The following PODN variants were observed in gnomAD, a reference collection of about 807,000 sequenced individuals.
PODN encodes podocan proteoglycan.
PODN carries 40 observed loss-of-function variants against 52.7 expected under a neutral mutation model. That is an observed-to-expected ratio of 0.76 (90% CI 0.59 to 0.99). The LOEUF (loss-of-function observed/expected upper bound fraction) is 0.99, where lower values mean the gene tolerates loss of function less well. Ranked by LOEUF, PODN falls within the 50% of genes least tolerant of loss-of-function variation. The pLI is 0.00. For synonymous variants in PODN, 396 were observed against 377.9 expected (o/e 1.05, Z -0.56); for missense variants, 720 against 815.1 (o/e 0.88, Z 1.42).
chr1:53,079,043 T>G, intron 8 of PODN, 21 bp downstream of exon 8: 1 of 1,501,800 alleles, frequency 6.7e-7, no homozygotes. Context: ...GGGAGGGGGC[T>G]GAGCCATGCC....
intron 3 of PODN, chr1:53,073,472 G>A (rs541427927): frequency 1.3e-5 from 2 of 152,330 alleles, no homozygotes; most frequent in East Asian, 1.9e-4. Context: ...TGCACCCCAG[G>A]CGGGTGTTTC....
At chr1:53,075,054 G>A (rs1215682714) in intron 4 of PODN, among the ~76,000 whole-genome samples, 3 of 152,130 alleles carry the variant, frequency 2.0e-5, no homozygotes, top group Non-Finnish European at 4.4e-5. Context: ...ATGAGTGAAG[G>A]CACAAGGGTA....
chr1:53,074,467 C>T (rs1644164064), intron 3 of PODN, 139 bp from the exon 4 acceptor site: 13 of 918,254 alleles, frequency 1.4e-5, no homozygotes, highest in Non-Finnish European at 2.3e-5. Context: ...GCAGGCCCCC[C>T]AACTGCTTGG....
chr1:53,077,473 G>C (rs1644212477), intron 6 of PODN, 127 bp downstream of exon 6: 1 of 1,392,790 alleles, frequency 7.2e-7, no homozygotes, highest in Non-Finnish European at 9.7e-7. Context: ...CCCCGGGGCT[G>C]ACAGCAAGGA....
chr1:53,081,990 G>A lies in PODN; in HGVS notation c.1671G>A (p.Lys557=). The change falls in exon 10 of 11, where the codon AAG becomes AAA. Residue 557 remains lysine, a synonymous_variant. Transcript: ENST00000312553. ...CTCGATGCTCACACAGGTTTAACAA[G>A]CTGGCTGTGGGCTCCGTGGTGGACA... ...NLKGIFLRFN[K]LAVGSVVDSA... is the part of the protein sequence containing the mutation. The A allele has an allele frequency of 6.2e-7, 1 of 1,600,258 alleles. No homozygotes were observed. The highest frequency in any genetic ancestry group is 8.5e-7 in the Non-Finnish European group (1 of 1,171,860).
At chr1:53,074,378 A>G (rs1644162574) in intron 3 of PODN, among the ~76,000 whole-genome samples, 1 of 152,198 alleles carries the variant, frequency 6.6e-6, no homozygotes, top group Non-Finnish European at 1.5e-5. Flanking sequence ...CAGAGCGAGG[A>G]GTTAGTCTCT....
chr1:53,076,286 A>G (rs912924300), intron 5 of PODN, among the ~76,000 whole-genome samples: 4 of 152,212 alleles, frequency 2.6e-5, no homozygotes, highest in African/African-American at 9.6e-5. Flanking sequence ...ACCGCCCCCC[A>G]GCATAGGTGT....
intron 8 of PODN, among the ~76,000 whole-genome samples, chr1:53,080,226 T>G (rs1644262456): frequency 6.6e-6 from 1 of 152,196 alleles, no homozygotes; most frequent in Non-Finnish European, 1.5e-5. Flanking sequence ...TCCTGACCTC[T>G]GCACGTGTGG....
At position 53,079,033 on chromosome 1, in the gene PODN, G is replaced by A. The variant is rs1198603898; in HGVS notation, c.1512+11G>A. The A allele has an allele frequency of 6.6e-7, 1 of 1,521,902 alleles. No individual in the cohort carries two copies. The allele number at this position is 1,521,902 out of a possible 1,614,324, so 94.3% of individuals were successfully genotyped here. A position where few individuals can be genotyped will look rare whatever the true frequency, so the allele number is the denominator to read the frequency against. ...CTCGCCCATCTGCAGGTAAGCGGAA[G>A]GGAGGGGGCTGAGCCATGCCCATGG... is the stretch of plus-strand genomic sequence containing the variant. On this transcript the variant is annotated intron_variant, in intron 8 of 10. Transcript: ENST00000312553.
At chr1:53,066,736 G>A in intron 1 of PODN, 1 of 1,391,578 alleles carries the variant, frequency 7.2e-7, no homozygotes, top group Non-Finnish European at 9.8e-7. Flanking sequence ...AGCTCCCTGA[G>A]TTGTAAAGTG....
At chr1:53,062,657 G>A (rs1643974709) in intron 1 of PODN, among the ~76,000 whole-genome samples, 1 of 152,170 alleles carries the variant, frequency 6.6e-6, no homozygotes, top group African/African-American at 2.4e-5. Flanking sequence ...AATGTGGGGG[G>A]CAGGTGGAAC....
intron 1 of PODN, chr1:53,063,263 C>T (rs1572252514): frequency 1.3e-5 from 10 of 743,440 alleles, no homozygotes; most frequent in African/African-American, 5.7e-5. Flanking sequence ...ACCCCGGCCC[C>T]GGTGCGCGCG....
intron 1 of PODN, among the ~76,000 whole-genome samples, chr1:53,064,722 T>C (rs576486190): frequency 6.6e-6 from 1 of 152,342 alleles, no homozygotes; most frequent in East Asian, 1.9e-4. Flanking sequence ...GTCACACCTA[T>C]TTGATGCCAG....
At position 53,078,368 on chromosome 1, in the gene PODN, G is replaced by T. The variant is rs1644226976; in HGVS notation, c.858G>T (p.Lys286Asn). 6.2e-7 allele frequency: 1 copy of T among 1,606,842 alleles called. No individual in the cohort carries two copies. The highest frequency in any genetic ancestry group is 1.7e-5 in the Admixed American group (1 of 59,842). ...CCTAATTCCCTCCCTGCCCCAGGAA[G>T]CTCTCCAGCCTGGAGTACCTGGATC... ...DEGLDNETFW[K>N]LSSLEYLDLS... The change falls in exon 8 of 11, where the codon AAG (lysine) becomes AAT (asparagine). Residue 286 changes from lysine (K) to asparagine (N), a missense_variant. Lys to Asn is a moderately conservative substitution (Grantham distance 94). Transcript: ENST00000312553.
chr1:53,072,386 G>A (rs1462950523), intron 3 of PODN, among the ~76,000 whole-genome samples: 1 of 152,158 alleles, frequency 6.6e-6, no homozygotes, highest in African/African-American at 2.4e-5. Flanking sequence ...AAACACACAC[G>A]TAGATAGTAT....
At chr1:53,072,004 A>T (rs1644126448) in intron 3 of PODN, among the ~76,000 whole-genome samples, 1 of 152,012 alleles carries the variant, frequency 6.6e-6, no homozygotes, top group Non-Finnish European at 1.5e-5. Flanking sequence ...CCAAACCAGC[A>T]TATGCTCATA....
intron 1 of PODN, among the ~76,000 whole-genome samples, chr1:53,065,349 C>T (rs918110241): frequency 1.4e-5 from 2 of 146,982 alleles, no homozygotes; most frequent in African/African-American, 5.4e-5. Context: ...GAGGGAGACC[C>T]TGTCTCAAAA....
chr1:53,063,957 C>T (rs1016494245), intron 1 of PODN, among the ~76,000 whole-genome samples: 1 of 152,188 alleles, frequency 6.6e-6, no homozygotes, highest in Non-Finnish European at 1.5e-5. Flanking sequence ...AGCCCCACCC[C>T]TACCTTTTGA....
intron 10 of PODN, among the ~76,000 whole-genome samples, chr1:53,084,064 C>T (rs893131001): frequency 3.3e-5 from 5 of 151,452 alleles, no homozygotes; most frequent in Non-Finnish European, 5.9e-5. Flanking sequence ...GTTGGGTATC[C>T]GCAAGTGTGG....
Sources: allele counts gnomAD v4.1 joint callset (sites outside exome capture counted in the v4.1 genomes callset), GRCh38; gene constraint gnomAD v4.1.1; transcripts MANE v1.5; gene names NCBI Gene and HGNC (gene_info 2026-07-23, HGNC 2026-07-21).